Variants in PCDHGB2 observed in about 807,000 individuals in gnomAD.
PCDHGB2 encodes the protein protocadherin gamma subfamily B, 2, also known as protocadherin gamma-B2.
In PCDHGB2, 55 loss-of-function variants were observed where a neutral mutation model predicts 59.3. That is an observed-to-expected ratio of 0.93 (90% confidence interval 0.75 to 1.16). PCDHGB2 has a LOEUF of 1.16. PCDHGB2 is among the 50% of genes most tolerant of loss of function. The pLI is 0.00. For missense variants in PCDHGB2, 1,228 were observed against 1,198.5 expected (o/e 1.02, Z -0.36); for synonymous variants, 516 against 512.0 (o/e 1.01, Z -0.11).
At chr5:141,367,549 T>TAAAA (rs1765228447) in intron 1 of PCDHGB2, 1 of 147,156 alleles carries the variant, frequency 6.8e-6, no homozygotes, top group South Asian at 2.1e-4. Flanking sequence ...AATAAATAAA[T>TAAAA]AAATAAATAA....
chr5:141,472,750 C>T (rs967243815), intron 1 of PCDHGB2, among the ~76,000 whole-genome samples: 3 of 151,882 alleles, frequency 2.0e-5, no homozygotes, highest in Non-Finnish European at 2.9e-5. Context: ...CTTTGGGAGG[C>T]GGAGGCTGGC....
At chr5:141,510,887 G>C (rs2099883217) in intron 3 of PCDHGB2, 60 bp from the exon 4 acceptor site, 2 of 1,612,600 alleles carry the variant, frequency 1.2e-6, no homozygotes, top group East Asian at 4.5e-5. Context: ...GGGGATATAA[G>C]ACAGTGACTG....
At chr5:141,409,752 A>T in intron 1 of PCDHGB2, 3 of 1,613,020 alleles carry the variant, frequency 1.9e-6, no homozygotes, top group Non-Finnish European at 2.5e-6. Context: ...GTGTTCGCGC[A>T]GCGCGCCTTT....
intron 1 of PCDHGB2, among the ~76,000 whole-genome samples, chr5:141,451,826 A>G (rs2098725686): frequency 6.6e-6 from 1 of 151,720 alleles, no homozygotes; most frequent in Non-Finnish European, 1.5e-5. Context: ...GGTTACAGTG[A>G]GCCGAGATCA....
At chr5:141,504,017 T>G (rs1186684262) in intron 2 of PCDHGB2, among the ~76,000 whole-genome samples, 1 of 152,150 alleles carries the variant, frequency 6.6e-6, no homozygotes, top group Non-Finnish European at 1.5e-5. Context: ...TCTCTGCTGG[T>G]CTCTTCCCAC....
In PCDHGB2 at chr5:141,432,219, T is replaced by A. The variant is rs1327611752; in HGVS notation, c.2422-62588T>A. 6.2e-7 allele frequency: 1 copy of A among 1,614,122 alleles called. No homozygotes were observed. Among genetic ancestry groups the A allele is most frequent in the East Asian group, 2.2e-5 (1 of 44,868 alleles). On this transcript the variant is annotated intron_variant, in intron 1 of 3. Transcript: ENST00000522605. The surrounding 1 kb of genome is among the most constrained non-coding windows in gnomAD (Gnocchi z 6.0). The stretch of plus-strand genomic sequence containing the variant: ...CCCGACTGTGAAGAGAACGCCCAGA[T>A]CACTTATTCCCTGGCTGAGAACACC...
chr5:141,373,266 C>T (rs894393733), intron 1 of PCDHGB2, among the ~76,000 whole-genome samples: 1 of 152,300 alleles, frequency 6.6e-6, no homozygotes, highest in Non-Finnish European at 1.5e-5. Context: ...TAAAAGTATA[C>T]ACAGATGTTG....
intron 2 of PCDHGB2, among the ~76,000 whole-genome samples, chr5:141,505,066 G>A (rs1312509903): frequency 6.6e-6 from 1 of 152,190 alleles, no homozygotes; most frequent in Non-Finnish European, 1.5e-5. Flanking sequence ...GGAGACTGAG[G>A]CAGGAGAATC....
At chr5:141,370,460 C>G (rs373931690) in intron 1 of PCDHGB2, 43 of 1,612,562 alleles carry the variant, frequency 2.7e-5, no homozygotes, top group East Asian at 4.5e-5. Flanking sequence ...TCTTCCTGCT[C>G]TCTTTGTTAG....
rs112078596 is a variant in PCDHGB2, at chr5:141,490,350, G to A, written c.2422-4457G>A. ...GCACACCAGTGGGCACAGTAGTGGG[G>A]TTGTTTAATGTGCGAGACCGGGACT... On this transcript the variant is annotated intron_variant, in intron 1 of 3. Coordinates refer to ENST00000522605, the MANE Select transcript of PCDHGB2 (RefSeq NM_018923.3). The surrounding 1 kb of genome is among the most constrained non-coding windows in gnomAD (Gnocchi z 5.4). 3.5e-5 allele frequency: 57 copies of A among 1,614,086 alleles called. No homozygotes were observed. The highest frequency in any genetic ancestry group is 4.6e-5 in the Non-Finnish European group (54 of 1,180,042).
At position 141,361,602 on chromosome 5, in the gene PCDHGB2, C is replaced by A. The variant is rs571629532; in HGVS notation, c.1467C>A (p.Tyr489Ter). ...PDLGPSGQVS[Y>*]SIVASDLKPR... is the part of the protein sequence containing the mutation. The stretch of plus-strand genomic sequence containing the variant: ...TGGGCCCCAGTGGCCAAGTTTCCTA[C>A]TCCATCGTAGCGAGCGACCTGAAGC... The change falls in exon 1 of 4, where the codon TAC becomes TAA. Residue 489 changes from tyrosine (Y) to a stop codon, truncating the protein, a stop_gained. Coordinates refer to ENST00000522605, the MANE Select transcript of PCDHGB2 (RefSeq NM_018923.3). LOFTEE classifies it high-confidence loss of function. 4.1e-5 allele frequency: 66 copies of A among 1,614,054 alleles called. 1 individual carries two copies. The Admixed American group carries it at 8.5e-4, about 21-fold the overall frequency.
Position 141,490,849 on chromosome 5 carries a change from C to T in PCDHGB2, c.2422-3958C>T, listed in dbSNP as rs200640560. The stretch of plus-strand genomic sequence containing the variant: ...GATGCTGCAGATTGTGGTGGGGGTT[C>T]GAGACTCCGGCTCTCCCCCATTGCA... On this transcript the variant is annotated intron_variant, in intron 1 of 3. Coordinates refer to ENST00000522605, the MANE Select transcript of PCDHGB2 (RefSeq NM_018923.3). This position sits in a 1 kb window ranked among gnomAD's most constrained non-coding sequence, Gnocchi z 5.4. The T allele has an allele frequency of 1.3e-5, 21 of 1,613,748 alleles. No individual in the cohort carries two copies. Among genetic ancestry groups the T allele is most frequent in the Admixed American group, 1.7e-5 (1 of 60,022 alleles).
chr5:141,375,843 T>C (rs762152746), intron 1 of PCDHGB2: 1 of 1,614,046 alleles, frequency 6.2e-7, no homozygotes, highest in Admixed American at 1.7e-5. Context: ...CCCGGCTACC[T>C]GGTGACCAAG....
At position 141,371,145 on chromosome 5, in the gene PCDHGB2, G is replaced by A. The variant is rs144065486; in HGVS notation, c.2421+8589G>A. The stretch of plus-strand genomic sequence containing the variant: ...TACTCAGGACATGTACAGGGTCAAT[G>A]TTGCAGAGAACCTGCCCGCTGGCTC... On this transcript the variant is annotated intron_variant, in intron 1 of 3. Coordinates refer to ENST00000522605, the MANE Select transcript of PCDHGB2 (RefSeq NM_018923.3). 54 of 1,614,030 alleles carry A rather than the reference G, an allele frequency of 3.3e-5. No individual in the cohort carries two copies. The African/African-American group carries it at 6.0e-4, about 18-fold the overall frequency.
At chr5:141,366,323 G>A in intron 1 of PCDHGB2, 1 of 1,613,796 alleles carries the variant, frequency 6.2e-7, no homozygotes, top group Non-Finnish European at 8.5e-7. Flanking sequence ...CGTTGCCGTG[G>A]CCGACAGGAT....
intron 1 of PCDHGB2, among the ~76,000 whole-genome samples, chr5:141,469,490 G>A (rs1346871954): frequency 3.3e-5 from 5 of 152,146 alleles, no homozygotes; most frequent in East Asian, 3.9e-4. Context: ...CAGGAGAATC[G>A]CTTGAACCCG....
chr5:141,394,805 G>A, intron 1 of PCDHGB2: 1 of 1,613,860 alleles, frequency 6.2e-7, no homozygotes, highest in Non-Finnish European at 8.5e-7. Context: ...CCGTAGCCGT[G>A]GCTGACAGCA....
Position 141,388,677 on chromosome 5 carries a change from A to G in PCDHGB2, c.2421+26121A>G, listed in dbSNP as rs369048942. 2.1e-5 allele frequency: 34 copies of G among 1,613,854 alleles called. 1 individual carries two copies. Among genetic ancestry groups the G allele is most frequent in the African/African-American group, 2.7e-5 (2 of 74,914 alleles). ...CCCGGGGACCACGGTGCTACAGGTGACTGCCACGGACCAGGATGAGGGTGT... is the reference window on the plus strand; with the variant it reads ...CCCGGGGACCACGGTGCTACAGGTGGCTGCCACGGACCAGGATGAGGGTGT... On this transcript the variant is annotated intron_variant, in intron 1 of 3. Transcript: ENST00000522605.
Position 141,421,230 on chromosome 5 carries a change from G to A in PCDHGB2, c.2421+58674G>A, listed in dbSNP as rs530853994. 1.9e-6 allele frequency: 3 copies of A among 1,590,132 alleles called. No individual in the cohort carries two copies. The East Asian group carries it at 6.7e-5, about 36-fold the overall frequency. The stretch of plus-strand genomic sequence containing the variant: ...GGAATATCGGCTTAGAGCCTGCCAT[G>A]GCGAATCGGCTACAGCGCGGGGACC... On this transcript the variant is annotated intron_variant, in intron 1 of 3. Coordinates refer to ENST00000522605, the MANE Select transcript of PCDHGB2 (RefSeq NM_018923.3).
Sources: allele counts gnomAD v4.1 joint callset (sites outside exome capture counted in the v4.1 genomes callset), GRCh38; gene constraint gnomAD v4.1.1; non-coding constraint Gnocchi (gnomAD v3.1); transcripts MANE v1.5; gene names NCBI Gene and HGNC (gene_info 2026-07-23, HGNC 2026-07-21).